Variants in PRDM11 observed in about 807,000 individuals in gnomAD.
PRDM11 encodes the protein PR/SET domain 11.
In PRDM11, 20 loss-of-function variants were observed where a neutral mutation model predicts 97.8. That is an observed-to-expected ratio of 0.20 (90% confidence interval 0.14 to 0.30). The LOEUF is 0.30. Among genes scored for constraint, PRDM11 ranks in the 10% least tolerant of loss-of-function variants. PRDM11 has a pLI of 1.00. For missense variants in PRDM11, 1,139 were observed against 1,555.2 expected, an observed-to-expected ratio of 0.73 and a Z score of 4.50; for synonymous variants, 599 against 637.7, an observed-to-expected ratio of 0.94 and a Z score of 0.91.
chr11:45,100,606 T>G (rs1308628683), intron 1 of PRDM11, among the ~76,000 whole-genome samples: 2 of 152,194 alleles, frequency 1.3e-5, no homozygotes, highest in Non-Finnish European at 2.9e-5. Flanking sequence ...GCAGCAGCCC[T>G]CTCCTCCATA....
In PRDM11 at chr11:45,231,967, A is replaced by C. The variant is rs2135868974; in HGVS notation, c.*3808A>C. The stretch of plus-strand genomic sequence containing the variant: ...CAAGTTCCAGGGTCCCTGGATGGCA[A>C]GGTTCAGTGCTGGGCCCTGGAATCT... On this transcript the variant is annotated 3_prime_UTR_variant, in exon 8 of 8. Coordinates refer to ENST00000683152, the MANE Select transcript of PRDM11 (RefSeq NM_001384648.1). 1 of 152,148 alleles carries C rather than the reference A, an allele frequency of 6.6e-6. No homozygotes were observed. The highest frequency in any genetic ancestry group is 1.9e-4 in the East Asian group (1 of 5,160). The allele number at this position is 152,148 out of a possible 1,614,324, so 9.4% of individuals were successfully genotyped here.
At chr11:45,161,464 T>A (rs1851926237) in intron 1 of PRDM11, among the ~76,000 whole-genome samples, 1 of 152,192 alleles carries the variant, frequency 6.6e-6, no homozygotes, top group South Asian at 2.1e-4. Context: ...GGGAAGAAGG[T>A]CACCCTGACC....
intron 1 of PRDM11, among the ~76,000 whole-genome samples, chr11:45,178,257 A>C (rs1852377504): frequency 6.6e-6 from 1 of 151,896 alleles, no homozygotes; most frequent in African/African-American, 2.4e-5. Context: ...GTTTATTCCT[A>C]ATGGGGACCA....
chr11:45,181,895 C>CT lies in PRDM11; in HGVS notation c.119+11dup. On this transcript the variant is annotated intron_variant, in intron 2 of 7. Transcript: ENST00000683152. ...AGTATGGCCAGCCCTGGTGAGGCCCCTGTGTGGGAACTGGAGAGGGAGAAG... is the reference window on the plus strand; with the variant it reads ...AGTATGGCCAGCCCTGGTGAGGCCCCTTGTGTGGGAACTGGAGAGGGAGAAG... 6.2e-7 allele frequency: 1 copy of CT among 1,608,156 alleles called. No homozygotes were observed. The highest frequency in any genetic ancestry group is 1.7e-4 in the Middle Eastern group (1 of 6,028).
At chr11:45,180,865 C>T (rs1279247605) in intron 1 of PRDM11, among the ~76,000 whole-genome samples, 3 of 151,850 alleles carry the variant, frequency 2.0e-5, no homozygotes, top group Admixed American at 6.6e-5. Flanking sequence ...CACCGCGCGC[C>T]CCCGGCCCTG....
intron 4 of PRDM11, among the ~76,000 whole-genome samples, chr11:45,184,250 A>T (rs1852621894): frequency 6.6e-6 from 1 of 152,208 alleles, no homozygotes; most frequent in Non-Finnish European, 1.5e-5. Context: ...CCTGGAGATG[A>T]TGGAGGCTTG....
At chr11:45,178,364 T>TC (rs1852380192) in intron 1 of PRDM11, among the ~76,000 whole-genome samples, 1 of 152,046 alleles carries the variant, frequency 6.6e-6, no homozygotes, top group Non-Finnish European at 1.5e-5. Flanking sequence ...CTGATTATCC[T>TC]CCCCAACTTA....
intron 1 of PRDM11, among the ~76,000 whole-genome samples, chr11:45,097,520 A>G (rs35334555): frequency 1.9e-5 from 2 of 107,118 alleles, no homozygotes; most frequent in Admixed American, 1.8e-4. Context: ...CAGGGGTGGA[A>G]CAAATCACTC....
intron 1 of PRDM11, among the ~76,000 whole-genome samples, chr11:45,131,036 T>C (rs1852707978): frequency 6.6e-6 from 1 of 152,246 alleles, no homozygotes; most frequent in Middle Eastern, 3.4e-3. Flanking sequence ...ATCATTGGTA[T>C]AGTCATATAA....
intron 5 of PRDM11, chr11:45,213,405 C>T (rs1464025881): frequency 1.6e-5 from 7 of 444,692 alleles, no homozygotes; most frequent in Non-Finnish European, 3.2e-5. Context: ...GGGGCTGCTG[C>T]ATCGGCCTCC....
chr11:45,137,823 G>A (rs560756538), intron 1 of PRDM11, among the ~76,000 whole-genome samples: 35 of 152,246 alleles, frequency 2.3e-4, no homozygotes, highest in African/African-American at 8.2e-4. Context: ...TTCCCGACTC[G>A]GGTCCAAAAT....
rs1020513327 is a variant in PRDM11, at chr11:45,234,461, C to T, written c.*6302C>T. On this transcript the variant is annotated 3_prime_UTR_variant, in exon 8 of 8. Transcript: ENST00000683152. ...GGTCTGTTCTGCCAATGCCCACCTC[C>T]TTGAGCCACAGTTAGCTGCCAACTG... 3 of 152,542 alleles carry T rather than the reference C, an allele frequency of 2.0e-5. No individual in the cohort carries two copies. The highest frequency in any genetic ancestry group is 7.2e-5 in the African/African-American group (3 of 41,454). 9.4% of individuals were successfully genotyped at this position (152,542 alleles called of 1,614,324 possible). A position where few individuals can be genotyped will look rare whatever the true frequency, so the allele number is the denominator to read the frequency against.
chr11:45,148,156 G>A (rs1851569913), intron 1 of PRDM11, among the ~76,000 whole-genome samples: 1 of 152,130 alleles, frequency 6.6e-6, no homozygotes, highest in South Asian at 2.1e-4. Flanking sequence ...TATAGGGCAC[G>A]TGTAGAAACC....
intron 1 of PRDM11, among the ~76,000 whole-genome samples, chr11:45,130,475 A>G (rs1381254738): frequency 6.6e-6 from 1 of 152,232 alleles, no homozygotes; most frequent in East Asian, 1.9e-4. Flanking sequence ...ATTATCACTC[A>G]TCAGGAAAAA....
At chr11:45,176,782 A>G (rs531307201) in intron 1 of PRDM11, among the ~76,000 whole-genome samples, 6 of 152,256 alleles carry the variant, frequency 3.9e-5, no homozygotes, top group Non-Finnish European at 8.8e-5. Flanking sequence ...CTTGCTGAGA[A>G]TATAAATTCA....
intron 1 of PRDM11, among the ~76,000 whole-genome samples, chr11:45,099,637 G>A (rs989535763): frequency 6.6e-6 from 1 of 151,972 alleles, no homozygotes; most frequent in Non-Finnish European, 1.5e-5. Context: ...TTCTGATACA[G>A]GCATGCAATG....
chr11:45,168,167 A>G (rs1169484060), intron 1 of PRDM11, among the ~76,000 whole-genome samples: 3 of 152,154 alleles, frequency 2.0e-5, no homozygotes, highest in African/African-American at 7.2e-5. Context: ...GCAGGATGGA[A>G]CAGCGAGGGA....
chr11:45,202,231 A>G (rs987284712), intron 4 of PRDM11, among the ~76,000 whole-genome samples: 2 of 152,176 alleles, frequency 1.3e-5, no homozygotes, highest in African/African-American at 2.4e-5. Context: ...CACCATTGTG[A>G]TCAGGGCAGC....
chr11:45,212,746 G>A (rs955354208), intron 5 of PRDM11: 16 of 456,378 alleles, frequency 3.5e-5, no homozygotes, highest in Non-Finnish European at 6.2e-5. Context: ...AGACCGAGGT[G>A]TTCCGGCAGT....
Sources: allele counts gnomAD v4.1 joint callset (sites outside exome capture counted in the v4.1 genomes callset), GRCh38; gene constraint gnomAD v4.1.1; transcripts MANE v1.5; gene names NCBI Gene and HGNC (gene_info 2026-07-23, HGNC 2026-07-21).